VKORC1L1: variants seen among roughly 807,000 people sequenced by gnomAD.
The protein encoded by VKORC1L1 is vitamin K epoxide reductase complex subunit 1L1, also known as vitamin K epoxide reductase complex subunit 1-like protein 1.
Under a neutral mutation model 18.9 loss-of-function variants are expected in VKORC1L1, and 2 were observed. That is an observed-to-expected ratio of 0.11 (90% CI 0.04 to 0.33). The LOEUF (loss-of-function observed/expected upper bound fraction) is 0.33, where lower values mean the gene tolerates loss of function less well. Ranked by LOEUF, VKORC1L1 falls within the 10% of genes least tolerant of loss-of-function variation. VKORC1L1 has a pLI of 1.00. For missense variants in VKORC1L1, 123 were observed against 224.1 expected (o/e 0.55, Z 2.88); for synonymous variants, 96 against 100.0 (o/e 0.96, Z 0.24).
chr7:65,955,426 A>C lies in VKORC1L1; in HGVS notation c.*1126A>C, dbSNP rs1194971670. 1 of 152,226 alleles carries C rather than the reference A, an allele frequency of 6.6e-6. No homozygotes were observed. Among genetic ancestry groups the C allele is most frequent in the East Asian group, 1.9e-4 (1 of 5,198 alleles). The allele number at this position is 152,226 out of a possible 1,614,324, so 9.4% of individuals were successfully genotyped here. On this transcript the variant is annotated 3_prime_UTR_variant, in exon 3 of 3. Coordinates refer to ENST00000360768, the MANE Select transcript of VKORC1L1 (RefSeq NM_173517.6). ...TGGATTTGTAACCTTCAGGGCTGAC[A>C]TGCTGCCCAGTTTGCTTCATCGGGA...
chr7:65,937,206 A>G (rs1019806638), intron 1 of VKORC1L1, among the ~76,000 whole-genome samples: 1 of 149,416 alleles, frequency 6.7e-6, no homozygotes, highest in African/African-American at 2.5e-5. Context: ...AAAAGAACCC[A>G]AGAAACTCCA....
intron 1 of VKORC1L1, among the ~76,000 whole-genome samples, chr7:65,931,812 T>G (rs894659248): frequency 3.3e-5 from 5 of 151,904 alleles, no homozygotes; most frequent in Admixed American, 3.3e-4. Context: ...CGGCTACTTT[T>G]TATATTTTTA....
At position 65,921,587 on chromosome 7, in the gene VKORC1L1, G is replaced by A. The variant is rs113013442; in HGVS notation, c.195-27084G>A. Among the ~76,000 whole-genome samples, 439 of 152,228 alleles carry A rather than the reference G, an allele frequency of 2.9e-3. 3 individuals are homozygous for A. Among genetic ancestry groups the A allele is most frequent in the African/African-American group, 9.9e-3 (412 of 41,534 alleles). ...TTTTTGGCCGGGCACGATGGCTCAC[G>A]CCTGCAATCCCAACACTTTGGGAGG... On this transcript the variant is annotated intron_variant, in intron 1 of 2. Transcript: ENST00000360768.
intron 1 of VKORC1L1, among the ~76,000 whole-genome samples, chr7:65,895,622 C>T (rs562083109): frequency 3.9e-4 from 58 of 147,632 alleles, no homozygotes; most frequent in African/African-American, 1.4e-3. Context: ...TATGAAAGAA[C>T]GAAAATGAAA....
intron 1 of VKORC1L1, among the ~76,000 whole-genome samples, chr7:65,925,693 G>A (rs1463686771): frequency 3.3e-5 from 5 of 152,114 alleles, no homozygotes; most frequent in Non-Finnish European, 5.9e-5. Flanking sequence ...AACACCTATT[G>A]CTTATTATAT....
Position 65,873,251 on chromosome 7 carries a change from CGGCGGTGGTGGCGGCGGCGGCGGA to C in VKORC1L1, c.-115_-92del, listed in dbSNP as rs1420661404. ...AGCCAATGGGGCGCGGCGGCGGCGG[CGGCGGTGGTGGCGGCGGCGGCGGA>C]GGCGGCGGTGGCGGCGGTGGCGGCT... On this transcript the variant is annotated 5_prime_UTR_variant, in exon 1 of 3. Coordinates refer to ENST00000360768, the MANE Select transcript of VKORC1L1 (RefSeq NM_173517.6). The C allele has an allele frequency of 3.8e-5, 37 of 969,496 alleles. No homozygotes were observed. The highest frequency in any genetic ancestry group is 1.1e-4 in the East Asian group (1 of 8,890). The allele number at this position is 969,496 out of a possible 1,614,324, so 60.1% of individuals were successfully genotyped here.
At chr7:65,935,174 A>C (rs62470900) in intron 1 of VKORC1L1, among the ~76,000 whole-genome samples, 5,750 of 152,044 alleles carry the variant, frequency 0.038, 170 homozygotes, top group East Asian at 0.1. Flanking sequence ...TCATAGTGCC[A>C]GTCTGCTGGT....
rs1790282158 is a variant in VKORC1L1, at chr7:65,955,512, A to T, written c.*1212A>T. ...CTGCTCATGTCGCCACTGCTCTCAT[A>T]ATGACACACATGCAGTAAGAAGACT... On this transcript the variant is annotated 3_prime_UTR_variant, in exon 3 of 3. Transcript: ENST00000360768. 6.6e-6 allele frequency: 1 copy of T among 152,300 alleles called. No homozygotes were observed. The highest frequency in any genetic ancestry group is 6.5e-5 in the Admixed American group (1 of 15,286). The allele number at this position is 152,300 out of a possible 1,614,324, so 9.4% of individuals were successfully genotyped here.
rs1789468369 is a variant in VKORC1L1, at chr7:65,909,690, T to TGTGTGTGTGTGTG, written c.194+36125_194+36126insGTGTGTGTGTGTG. Among the ~76,000 whole-genome samples the TGTGTGTGTGTGTG allele has an allele frequency of 2.2e-3, 274 of 123,826 alleles. 2 individuals carry two copies. Among genetic ancestry groups the TGTGTGTGTGTGTG allele is most frequent in the African/African-American group, 8.0e-3 (253 of 31,730 alleles). The allele number at this position is 123,826 out of a possible 152,430, so 81.2% of individuals were successfully genotyped here. On this transcript the variant is annotated intron_variant, in intron 1 of 2. Coordinates refer to ENST00000360768, the MANE Select transcript of VKORC1L1 (RefSeq NM_173517.6). ...AAGCTTCTAACTTTTGTTTTAGCCT[T>TGTGTGTGTGTGTG]TGTGTGTGTGTGTGTGTGTGTGTGT...
chr7:65,927,182 G>A (rs1287636568), intron 1 of VKORC1L1, among the ~76,000 whole-genome samples: 3 of 152,102 alleles, frequency 2.0e-5, no homozygotes, highest in Non-Finnish European at 2.9e-5. Flanking sequence ...AGCTACTTGG[G>A]AGGCTGAGGC....
At chr7:65,937,655 C>T (rs1419828928) in intron 1 of VKORC1L1, among the ~76,000 whole-genome samples, 1 of 152,056 alleles carries the variant, frequency 6.6e-6, no homozygotes, top group East Asian at 1.9e-4. Flanking sequence ...TCAAGCAATC[C>T]CTCCAACCTC....
chr7:65,946,702 C>T (rs924155473), intron 1 of VKORC1L1, among the ~76,000 whole-genome samples: 3 of 152,188 alleles, frequency 2.0e-5, no homozygotes, highest in Non-Finnish European at 4.4e-5. Flanking sequence ...TTAAGGTCCA[C>T]AAGGGCAGCA....
At chr7:65,949,493 A>AAATAAT (rs56928132) in intron 2 of VKORC1L1, among the ~76,000 whole-genome samples, 117 of 149,496 alleles carry the variant, frequency 7.8e-4, no homozygotes, top group South Asian at 2.1e-3. Flanking sequence ...AAAAAGAAAT[A>AAATAAT]AATAATAATA....
At chr7:65,888,041 G>T (rs980212539) in intron 1 of VKORC1L1, among the ~76,000 whole-genome samples, 1 of 152,028 alleles carries the variant, frequency 6.6e-6, no homozygotes, top group Non-Finnish European at 1.5e-5. Flanking sequence ...ATTCTTTCTC[G>T]TTGAATCTGT....
At chr7:65,941,263 G>A (rs1256112147) in intron 1 of VKORC1L1, among the ~76,000 whole-genome samples, 7 of 152,004 alleles carry the variant, frequency 4.6e-5, no homozygotes, top group Non-Finnish European at 8.8e-5. Context: ...GTGCCATCAC[G>A]CCCAGCAATT....
chr7:65,947,970 T>A (rs1790150418), intron 1 of VKORC1L1, among the ~76,000 whole-genome samples: 1 of 152,222 alleles, frequency 6.6e-6, no homozygotes, highest in South Asian at 2.1e-4. Flanking sequence ...ATTATAGGTG[T>A]GATCCACGGG....
chr7:65,879,242 A>G (rs1377824325), intron 1 of VKORC1L1, among the ~76,000 whole-genome samples: 1 of 152,154 alleles, frequency 6.6e-6, no homozygotes, highest in Non-Finnish European at 1.5e-5. Context: ...TAGTACGTAA[A>G]AGAGAATTTG....
chr7:65,869,145 T>A (rs1054870951), upstream of VKORC1L1, among the ~76,000 whole-genome samples: 9 of 151,392 alleles, frequency 5.9e-5, no homozygotes, highest in Middle Eastern at 3.2e-3. Context: ...TGAAAACCTG[T>A]CTTTACTAAA....
At chr7:65,875,763 GTTT>G (rs202136622) in intron 1 of VKORC1L1, among the ~76,000 whole-genome samples, 1 of 151,892 alleles carries the variant, frequency 6.6e-6, no homozygotes, top group Non-Finnish European at 1.5e-5. Context: ...CCTCAAGTTA[GTTT>G]TTTTTGAGTG....
Sources: allele counts gnomAD v4.1 joint callset (sites outside exome capture counted in the v4.1 genomes callset), GRCh38; gene constraint gnomAD v4.1.1; transcripts MANE v1.5; gene names NCBI Gene and HGNC (gene_info 2026-07-23, HGNC 2026-07-21).